Variants in RAP1GAP2 observed in about 807,000 individuals in gnomAD.
The protein encoded by RAP1GAP2 is rap1 GTPase-activating protein 2.
A neutral mutation model predicts 95.0 loss-of-function variants in RAP1GAP2; 27 were observed. The ratio of observed to expected loss-of-function variants is 0.28; its 90% CI spans 0.21 to 0.39. RAP1GAP2 has a LOEUF of 0.39. RAP1GAP2 is among the 10% of genes least tolerant of loss of function. The pLI, the probability that RAP1GAP2 is intolerant of heterozygous loss-of-function variation, is 1.00. For synonymous variants in RAP1GAP2, 373 were observed against 380.9 expected, an observed-to-expected ratio of 0.98 and a Z score of 0.24; for missense variants, 771 against 970.0, an observed-to-expected ratio of 0.79 and a Z score of 2.72.
At chr17:2,772,819 A>G (rs544185751), upstream of RAP1GAP2, among the ~76,000 whole-genome samples, 24 of 151,280 alleles carry the variant, frequency 1.6e-4, no homozygotes, top group African/African-American at 5.8e-4. Context: ...GAAGTGGGGG[A>G]AAAGGGGCGT....
rs369582165 is a variant in RAP1GAP2 at position 3,025,476 on chromosome 17, G to A, written c.1752-532G>A. On this transcript the variant is annotated intron_variant, in intron 19 of 24. Transcript: ENST00000254695. ...GGTCTTTGTTACACTAAAGGAGAAG[G>A]ATATTGTTGGCTGAGAGTACCCCTT... Among the ~76,000 whole-genome samples the A allele has an allele frequency of 2.8e-4, 42 of 152,328 alleles. 1 individual carries two copies. The South Asian group carries it at 8.3e-3, about 30-fold the overall frequency.
At chr17:2,761,979 C>CTTTTTTTT (rs901487276) in intron 1 of RAP1GAP2, among the ~76,000 whole-genome samples, 5 of 77,746 alleles carry the variant, frequency 6.4e-5, no homozygotes, top group Non-Finnish European at 9.5e-5. Flanking sequence ...GTTTATATAT[C>CTTTTTTTT]TTTTTTTTTT....
chr17:2,756,326 C>A (rs1003272030), intron 1 of RAP1GAP2, among the ~76,000 whole-genome samples: 1 of 152,250 alleles, frequency 6.6e-6, no homozygotes, highest in Non-Finnish European at 1.5e-5. Context: ...GAGGGGTCCC[C>A]GTGTAGCGGG....
At chr17:2,802,198 C>T (rs1001585558) in intron 2 of RAP1GAP2, among the ~76,000 whole-genome samples, 2 of 152,228 alleles carry the variant, frequency 1.3e-5, no homozygotes, top group South Asian at 2.1e-4. Flanking sequence ...CTCCCTCTGT[C>T]ATGCCATTCA....
chr17:2,812,421 G>C (rs562690789), intron 2 of RAP1GAP2, among the ~76,000 whole-genome samples: 2 of 152,112 alleles, frequency 1.3e-5, no homozygotes, highest in South Asian at 4.1e-4. Flanking sequence ...CTCCTCCTCC[G>C]GTCTCTGCCA....
chr17:2,769,083 T>A (rs1410040143), intron 1 of RAP1GAP2, among the ~76,000 whole-genome samples: 1 of 150,986 alleles, frequency 6.6e-6, no homozygotes, highest in African/African-American at 2.4e-5. Flanking sequence ...AATAAGAAAA[T>A]TAGCTGGGTG....
chr17:2,789,324 A>C (rs1252540052), intron 1 of RAP1GAP2, among the ~76,000 whole-genome samples: 1 of 152,182 alleles, frequency 6.6e-6, no homozygotes, highest in African/African-American at 2.4e-5. Flanking sequence ...CTGGGATTAC[A>C]GGTGTGAGCC....
chr17:2,785,017 C>A (rs2151453840), intron 1 of RAP1GAP2, among the ~76,000 whole-genome samples: 1 of 152,360 alleles, frequency 6.6e-6, no homozygotes, highest in African/African-American at 2.4e-5. Context: ...AGTCACTGTT[C>A]ATCTGCCTGC....
chr17:2,784,558 ACCGCGC>A (rs2068731241), intron 1 of RAP1GAP2, among the ~76,000 whole-genome samples: 1 of 152,232 alleles, frequency 6.6e-6, no homozygotes, highest in Non-Finnish European at 1.5e-5. Flanking sequence ...GGCGTGAGCC[ACCGCGC>A]CCGGCCAGCA....
intron 1 of RAP1GAP2, among the ~76,000 whole-genome samples, chr17:2,758,747 A>C (rs933654636): frequency 6.6e-6 from 1 of 152,188 alleles, no homozygotes; most frequent in African/African-American, 2.4e-5. Context: ...AAATTGTAGA[A>C]ATCGACTCAA....
In RAP1GAP2 at chr17:2,767,174, C is replaced by T. The variant is rs151208747; in HGVS notation, c.51-3155C>T. Among the ~76,000 whole-genome samples the T allele has an allele frequency of 1.3e-3, 197 of 151,568 alleles. 2 individuals carry two copies. The highest frequency in any genetic ancestry group is 0.01 in the South Asian group (48 of 4,794). ...GTCAGGAGTTCGAGACCAGCCTGGC[C>T]AAGGTGGTGAAACCCCGTTTCCACT... On this transcript the variant is annotated intron_variant, in intron 1 of 25. Transcript: ENST00000637138.
chr17:2,961,667 G>A (rs888272734), intron 4 of RAP1GAP2, among the ~76,000 whole-genome samples: 2 of 152,190 alleles, frequency 1.3e-5, no homozygotes, highest in Admixed American at 6.5e-5. Context: ...GAGATGAAAG[G>A]TGAGCGTCTA....
chr17:2,881,474 G>A (rs756799098), intron 2 of RAP1GAP2, among the ~76,000 whole-genome samples: 5 of 152,102 alleles, frequency 3.3e-5, no homozygotes, highest in East Asian at 1.9e-4. Context: ...AATCCGTAAC[G>A]GCACTTCATT....
At chr17:2,987,732 TAATTCTA>T (rs1417708349) in intron 11 of RAP1GAP2, among the ~76,000 whole-genome samples, 1 of 152,144 alleles carries the variant, frequency 6.6e-6, no homozygotes, top group African/African-American at 2.4e-5. Context: ...GAAATGAAGG[TAATTCTA>T]AAAAAAAAAT....
At chr17:2,954,615 A>G (rs576674136) in intron 3 of RAP1GAP2, among the ~76,000 whole-genome samples, 1 of 152,042 alleles carries the variant, frequency 6.6e-6, no homozygotes, top group East Asian at 1.9e-4. Flanking sequence ...ATTTACTGAG[A>G]GGCAGTCTTG....
At chr17:2,956,443 G>C (rs754061596) in intron 3 of RAP1GAP2, among the ~76,000 whole-genome samples, 1 of 152,242 alleles carries the variant, frequency 6.6e-6, no homozygotes, top group Non-Finnish European at 1.5e-5. Context: ...TCTGGGAGCA[G>C]TGGGAGCTCC....
intron 12 of RAP1GAP2, among the ~76,000 whole-genome samples, chr17:2,993,115 G>C (rs2045824469): frequency 6.6e-6 from 1 of 151,446 alleles, no homozygotes; most frequent in African/African-American, 2.4e-5. Context: ...CCAGCTACTT[G>C]GGAGGCTGAG....
chr17:2,903,424 G>A lies in RAP1GAP2; in HGVS notation c.81-1860G>A, dbSNP rs73976717. On this transcript the variant is annotated intron_variant, in intron 2 of 24. Transcript: ENST00000254695. This position sits in a 1 kb window ranked among gnomAD's most constrained non-coding sequence, Gnocchi z 4.1. ...TGGAGCCTACGGTGGTAATGTCCAA[G>A]GCCGTACATAGAAGGAGGCTGGCAG... is the stretch of plus-strand genomic sequence containing the variant. Among the ~76,000 whole-genome samples the A allele has an allele frequency of 6.5e-3, 992 of 152,234 alleles. 10 individuals carry two copies. The highest frequency in any genetic ancestry group is 0.023 in the African/African-American group (944 of 41,542).
chr17:2,885,806 T>C (rs1424784228), intron 2 of RAP1GAP2, among the ~76,000 whole-genome samples: 1 of 152,248 alleles, frequency 6.6e-6, no homozygotes, highest in Non-Finnish European at 1.5e-5. Flanking sequence ...TCCAGCTGCC[T>C]GGCGAGGCCA....
Sources: allele counts gnomAD v4.1 joint callset (sites outside exome capture counted in the v4.1 genomes callset), GRCh38; gene constraint gnomAD v4.1.1; non-coding constraint Gnocchi (gnomAD v3.1); transcripts MANE v1.5; gene names NCBI Gene and HGNC (gene_info 2026-07-23, HGNC 2026-07-21).